NPAS2: variants seen among roughly 807,000 people sequenced by gnomAD.
The protein encoded by NPAS2 is neuronal PAS domain-containing protein 2.
In NPAS2, 23 loss-of-function variants were observed where a neutral mutation model predicts 107.5. That is an observed-to-expected ratio of 0.21 (90% CI 0.15 to 0.30). NPAS2 has a LOEUF of 0.30. NPAS2 is among the 10% of genes least tolerant of loss of function. NPAS2 has a pLI of 1.00. For missense variants in NPAS2, 756 were observed against 1,043.3 expected (o/e 0.72, Z 3.79); for synonymous variants, 403 against 417.5 (o/e 0.97, Z 0.42).
At chr2:100,969,125 G>A (rs1304915155) in intron 11 of NPAS2, among the ~76,000 whole-genome samples, 4 of 152,202 alleles carry the variant, frequency 2.6e-5, no homozygotes, top group Admixed American at 6.5e-5. Flanking sequence ...GGCCTACAGA[G>A]GAGCCTTGGA....
Position 100,968,276 on chromosome 2 carries a change from G to T in NPAS2, c.908-5G>T. The stretch of plus-strand genomic sequence containing the variant: ...TTATATGCGGAATCCATTTTCTACC[G>T]ACAGTGATGCAGTTTGGCAAAGGGA... On this transcript the variant is annotated splice_polypyrimidine_tract_variant and splice_region_variant and intron_variant, in intron 10 of 20. Transcript: ENST00000335681. The surrounding 1 kb of genome is among the most constrained non-coding windows in gnomAD (Gnocchi z 5.3). 6.2e-7 allele frequency: 1 copy of T among 1,613,460 alleles called. No homozygotes were observed.
At chr2:100,833,541 T>C (rs1676872460) in intron 1 of NPAS2, among the ~76,000 whole-genome samples, 1 of 152,066 alleles carries the variant, frequency 6.6e-6, no homozygotes, top group African/African-American at 2.4e-5. Flanking sequence ...TAACATGAAG[T>C]GGGGGAAGTG....
rs774019923 is a variant in NPAS2, at chr2:100,965,783, A to T, written c.907+17A>T. 7.7e-6 allele frequency: 12 copies of T among 1,561,658 alleles called. No individual in the cohort carries two copies. In the African/African-American group the frequency reaches 1.5e-4, roughly 19 times the overall value. On this transcript the variant is annotated intron_variant, in intron 10 of 20. Transcript: ENST00000335681. The surrounding 1 kb of genome is among the most constrained non-coding windows in gnomAD (Gnocchi z 4.3). The stretch of plus-strand genomic sequence containing the variant: ...ACCAGCACCGTGAGTACCACTGCCC[A>T]GCCCAGGCATGGGGGCCTTGCGTTC...
At chr2:100,919,852 G>T (rs141143966) in intron 2 of NPAS2, among the ~76,000 whole-genome samples, 1 of 152,182 alleles carries the variant, frequency 6.6e-6, no homozygotes, top group African/African-American at 2.4e-5. Context: ...TCCGTGGCTG[G>T]GCTCCCTCCT....
At chr2:100,830,666 A>G (rs1276701558) in intron 1 of NPAS2, among the ~76,000 whole-genome samples, 1 of 152,196 alleles carries the variant, frequency 6.6e-6, no homozygotes, top group Non-Finnish European at 1.5e-5. Context: ...CATGGGCTGG[A>G]GTCCTTTTGG....
chr2:100,830,939 T>A (rs1448559224), intron 1 of NPAS2, among the ~76,000 whole-genome samples: 1 of 151,882 alleles, frequency 6.6e-6, no homozygotes, highest in African/African-American at 2.4e-5. Context: ...CTAGAGAGGT[T>A]TTTTGAGGAG....
intron 1 of NPAS2, among the ~76,000 whole-genome samples, chr2:100,824,107 T>C (rs984969510): frequency 2.0e-5 from 3 of 152,170 alleles, no homozygotes; most frequent in African/African-American, 7.2e-5. Flanking sequence ...CTTTTATTAC[T>C]GTTGATAGGA....
intron 1 of NPAS2, among the ~76,000 whole-genome samples, chr2:100,888,059 C>T (rs1434554907): frequency 6.6e-6 from 1 of 152,190 alleles, no homozygotes; most frequent in Non-Finnish European, 1.5e-5. Context: ...AGTTAGGGCC[C>T]AGCACCCAGG....
intron 16 of NPAS2, chr2:100,982,969 G>A (rs1285608574): frequency 6.5e-6 from 1 of 152,748 alleles, no homozygotes; most frequent in African/African-American, 2.4e-5. Flanking sequence ...GTTTGGAGAG[G>A]TGTTGTTTTG....
rs143542914 is a variant in NPAS2, at chr2:100,993,407, C to A, written c.2172C>A (p.Ser724Arg). The A allele has an allele frequency of 3.2e-5, 51 of 1,612,376 alleles. No homozygotes were observed. The highest frequency in any genetic ancestry group is 4.2e-5 in the Non-Finnish European group (49 of 1,178,860). Residue 724 changes from serine to arginine, a missense_variant, in exon 20 of 21, where the codon AGC becomes AGA. Around this residue, in one of 4 missense-constraint regions of NPAS2, gnomAD observed 496 missense variants for 594.4 expected, o/e 0.83. Transcript: ENST00000335681. Reference protein sequence around the residue: ...NPDAHPANSSSAPMPVLLMGQ... With the variant: ...NPDAHPANSSRAPMPVLLMGQ... The stretch of plus-strand genomic sequence containing the variant: ...ACGCACACCCCGCCAACAGCAGCAG[C>A]GCCCCGATGCCCGTCCTGCTGATGG...
chr2:100,971,053 C>G lies in NPAS2; in HGVS notation c.1119C>G (p.Ala373=). 1 of 1,614,098 alleles carries G rather than the reference C, an allele frequency of 6.2e-7. No individual in the cohort carries two copies. Among genetic ancestry groups the G allele is most frequent in the Non-Finnish European group, 8.5e-7 (1 of 1,179,988 alleles). ...ELALEDPPSE[A]LHSSALKDKG... ...CTCTGGAAGACCCGCCATCCGAGGC[C>G]CTCCACTCCTCAGCACTAAAGGTAC... The change falls in exon 12 of 21, where the codon GCC becomes GCG. Residue 373 remains alanine (A), a synonymous_variant. Coordinates refer to ENST00000335681, the MANE Select transcript of NPAS2 (RefSeq NM_002518.4).
chr2:100,958,813 C>T (rs1035901957), intron 7 of NPAS2, among the ~76,000 whole-genome samples: 1 of 152,056 alleles, frequency 6.6e-6, no homozygotes, highest in Non-Finnish European at 1.5e-5. Context: ...TAATTTGGCC[C>T]ATCCACACCA....
intron 1 of NPAS2, among the ~76,000 whole-genome samples, chr2:100,845,782 A>C (rs73967682): frequency 0.069 from 10,532 of 152,288 alleles, 869 homozygotes; most frequent in African/African-American, 0.19. Context: ...ATTTTAGCCC[A>C]TTTTTGGTAG....
In NPAS2 at chr2:100,937,789, G is replaced by T; in HGVS notation, c.310G>T (p.Gly104Cys). Residue 104 changes from glycine (G) to cysteine (C), a missense_variant, in exon 5 of 21, where the codon GGC (glycine) becomes TGC (cysteine). Coordinates refer to ENST00000335681, the MANE Select transcript of NPAS2 (RefSeq NM_002518.4). ...DGFIIAVTTDGSIIYVSDSIT... is the reference protein window; with the variant it reads ...DGFIIAVTTDCSIIYVSDSIT... The stretch of plus-strand genomic sequence containing the variant: ...CTTCATTATCGCAGTGACAACAGAC[G>T]GCAGCATCATCTATGTCTCTGACAG... 5.0e-6 allele frequency: 8 copies of T among 1,614,102 alleles called. No homozygotes were observed. The highest frequency in any genetic ancestry group is 6.8e-6 in the Non-Finnish European group (8 of 1,179,986).
intron 1 of NPAS2, chr2:100,877,869 A>G (rs1680084414): frequency 1.5e-6 from 1 of 649,288 alleles, no homozygotes; most frequent in Non-Finnish European, 1.9e-6. Context: ...GCCTTGTAAG[A>G]ATGCCAAGGA....
intron 5 of NPAS2, among the ~76,000 whole-genome samples, chr2:100,945,698 G>T (rs1177136644): frequency 6.6e-6 from 1 of 152,030 alleles, no homozygotes; most frequent in African/African-American, 2.4e-5. Flanking sequence ...GTGCTGTCAG[G>T]GTACCCACCT....
intron 1 of NPAS2, among the ~76,000 whole-genome samples, chr2:100,851,665 C>T (rs1301548795): frequency 1.3e-5 from 2 of 152,194 alleles, no homozygotes; most frequent in Non-Finnish European, 1.5e-5. Context: ...TGCGGAAATG[C>T]ATATAATGTT....
intron 10 of NPAS2, among the ~76,000 whole-genome samples, chr2:100,966,161 G>A (rs1375182176): frequency 2.0e-5 from 3 of 152,140 alleles, no homozygotes; most frequent in Non-Finnish European, 4.4e-5. Context: ...GCCAGATACT[G>A]AGTAGGCTGG....
chr2:100,960,696 G>A (rs535409658), intron 7 of NPAS2, among the ~76,000 whole-genome samples: 12 of 152,080 alleles, frequency 7.9e-5, no homozygotes, highest in Non-Finnish European at 1.3e-4. Context: ...CAGAGTGAAC[G>A]GGCCACCAGC....
Sources: allele counts gnomAD v4.1 joint callset (sites outside exome capture counted in the v4.1 genomes callset), GRCh38; gene constraint gnomAD v4.1.1; regional missense constraint gnomAD v4.1.1; non-coding constraint Gnocchi (gnomAD v3.1); transcripts MANE v1.5; gene names NCBI Gene and HGNC (gene_info 2026-07-23, HGNC 2026-07-21).